GLI3: variants seen among roughly 807,000 people sequenced by gnomAD.
GLI3 encodes GLI family zinc finger 3, also known as transcription activator GLI3.
A neutral mutation model predicts 100.8 loss-of-function variants in GLI3; 20 were observed. The ratio of observed to expected loss-of-function variants is 0.20; its 90% CI spans 0.14 to 0.29. The LOEUF (loss-of-function observed/expected upper bound fraction) is 0.29, where lower values mean the gene tolerates loss of function less well. GLI3 is among the 10% of genes least tolerant of loss of function. GLI3 has a pLI of 1.00. For synonymous variants in GLI3, 938 were observed against 860.5 expected (o/e 1.09, Z -1.58); for missense variants, 2,040 against 2,128.5 (o/e 0.96, Z 0.82).
chr7:42,247,937 T>C (rs1480810431), intron 1 of GLI3, among the ~76,000 whole-genome samples: 1 of 152,228 alleles, frequency 6.6e-6, no homozygotes, highest in Non-Finnish European at 1.5e-5. Flanking sequence ...GCTTTTGAGC[T>C]TTCCTATCTG....
intron 2 of GLI3, among the ~76,000 whole-genome samples, chr7:42,208,235 G>T (rs1432596611): frequency 6.6e-6 from 1 of 152,166 alleles, no homozygotes; most frequent in African/African-American, 2.4e-5. Flanking sequence ...GCATGGATGG[G>T]TCTAAGGTCT....
At chr7:42,045,596 C>A (rs1489456281) in intron 5 of GLI3, 66 bp from the exon 6 acceptor site, 2 of 1,447,056 alleles carry the variant, frequency 1.4e-6, no homozygotes, top group Admixed American at 1.7e-5. Flanking sequence ...TCTCTTGAGG[C>A]ATCTCAGAGT....
intron 2 of GLI3, among the ~76,000 whole-genome samples, chr7:42,174,916 C>T (rs920727474): frequency 6.6e-6 from 1 of 152,150 alleles, no homozygotes; most frequent in African/African-American, 2.4e-5. Flanking sequence ...AGTGAGGATG[C>T]GCAGGGGAAG....
chr7:42,243,276 G>A (rs35671443), intron 1 of GLI3, among the ~76,000 whole-genome samples: 1,930 of 152,232 alleles, frequency 0.013, 23 homozygotes, highest in Middle Eastern at 0.041. Flanking sequence ...TGTTACTCTA[G>A]CATCCCTTTC....
intron 6 of GLI3, among the ~76,000 whole-genome samples, chr7:42,043,401 T>C (rs1002188166): frequency 2.0e-5 from 3 of 152,172 alleles, no homozygotes; most frequent in African/African-American, 7.2e-5. Context: ...GGATACTCTG[T>C]TGAAGGGAGC....
At chr7:42,231,256 T>G (rs1436827110) in intron 1 of GLI3, among the ~76,000 whole-genome samples, 1 of 152,202 alleles carries the variant, frequency 6.6e-6, no homozygotes, top group Admixed American at 6.5e-5. Context: ...GTATTTAACA[T>G]TTTTTTGTGA....
intron 3 of GLI3, among the ~76,000 whole-genome samples, chr7:42,108,957 G>A (rs566704032): frequency 8.4e-4 from 128 of 152,090 alleles, no homozygotes; most frequent in African/African-American, 3.0e-3. Flanking sequence ...CTGAGAACTG[G>A]AAGTCTGACG....
chr7:42,101,870 G>A (rs200185955), intron 3 of GLI3, among the ~76,000 whole-genome samples: 3 of 119,604 alleles, frequency 2.5e-5, no homozygotes, highest in African/African-American at 8.3e-5. Context: ...AGAGTGTGAT[G>A]TTCCCCTTCC....
intron 7 of GLI3, among the ~76,000 whole-genome samples, chr7:42,028,852 C>T (rs1309996765): frequency 2.0e-5 from 3 of 151,692 alleles, no homozygotes; most frequent in African/African-American, 7.3e-5. Flanking sequence ...AAAGATAAGA[C>T]TCAGCATTCC....
rs111867388 is a variant in GLI3, at chr7:42,228,608, G to C, written c.-42-5313C>G. ...GTTCAGAGGGCTCTTTTAACTGGCT[G>C]AATTCAGGGAGCTGCAACCTTCCAG... On this transcript the variant is annotated intron_variant, in intron 1 of 14. Transcript: ENST00000395925. Among the ~76,000 whole-genome samples, 322 of 152,358 alleles carry C rather than the reference G, an allele frequency of 2.1e-3. 4 individuals are homozygous for C. Among genetic ancestry groups the C allele is most frequent in the African/African-American group, 7.4e-3 (308 of 41,588 alleles).
rs1787020659 is a variant in GLI3 at position 41,961,802 on chromosome 7, C to T, written c.*2528G>A. 6.6e-6 allele frequency: 1 copy of T among 152,134 alleles called. No individual in the cohort carries two copies. The highest frequency in any genetic ancestry group is 1.5e-5 in the Non-Finnish European group (1 of 68,052). The allele number at this position is 152,134 out of a possible 1,614,324, so 9.4% of individuals were successfully genotyped here. ...TTCTAAGTGACCTCAAAAGACCTTC[C>T]TTCCACTGGACTGCCACAACAGATC... On this transcript the variant is annotated 3_prime_UTR_variant, in exon 15 of 15. Coordinates refer to ENST00000395925, the MANE Select transcript of GLI3 (RefSeq NM_000168.6).
intron 10 of GLI3, among the ~76,000 whole-genome samples, chr7:42,000,591 G>A (rs1788258645): frequency 6.7e-6 from 1 of 150,022 alleles, no homozygotes; most frequent in Non-Finnish European, 1.5e-5. Context: ...AAAACAATCA[G>A]AAAAAAATTA....
At chr7:42,194,980 T>C (rs1787899278) in intron 2 of GLI3, among the ~76,000 whole-genome samples, 1 of 151,948 alleles carries the variant, frequency 6.6e-6, no homozygotes, top group Admixed American at 6.6e-5. Context: ...TTGGTCAGGG[T>C]GTTCTCAAAC....
chr7:42,012,123 G>T (rs750449844), intron 10 of GLI3, among the ~76,000 whole-genome samples: 1 of 152,108 alleles, frequency 6.6e-6, no homozygotes, highest in East Asian at 1.9e-4. Context: ...AAAAAGAAAC[G>T]ACTTGATGCA....
At chr7:42,152,175 C>T (rs1178987435) in intron 2 of GLI3, 1 of 152,816 alleles carries the variant, frequency 6.5e-6, no homozygotes, top group African/African-American at 2.4e-5. Context: ...GCATCACTAA[C>T]TAAGGACACC....
intron 2 of GLI3, among the ~76,000 whole-genome samples, chr7:42,157,249 G>A (rs571871452): frequency 6.6e-6 from 1 of 152,332 alleles, no homozygotes; most frequent in African/African-American, 2.4e-5. Flanking sequence ...ATGTGCATTT[G>A]AGAAACCCAA....
At chr7:42,029,702 C>G (rs1175768289) in intron 7 of GLI3, among the ~76,000 whole-genome samples, 4 of 152,114 alleles carry the variant, frequency 2.6e-5, no homozygotes, top group African/African-American at 9.7e-5. Flanking sequence ...CTCACAATGG[C>G]CACTTCCTTT....
chr7:41,996,544 G>A (rs1788130488), intron 10 of GLI3, among the ~76,000 whole-genome samples: 1 of 152,108 alleles, frequency 6.6e-6, no homozygotes, highest in Admixed American at 6.5e-5. Context: ...CCCAGAGAGA[G>A]GAAAACCTAC....
chr7:42,042,013 C>CT (rs11324186), intron 6 of GLI3, among the ~76,000 whole-genome samples: 9,855 of 116,318 alleles, frequency 0.085, 474 homozygotes, highest in Non-Finnish European at 0.11. Flanking sequence ...CAACGATTTC[C>CT]TTTTTTTTTT....
Sources: allele counts gnomAD v4.1 joint callset (sites outside exome capture counted in the v4.1 genomes callset), GRCh38; gene constraint gnomAD v4.1.1; transcripts MANE v1.5; gene names NCBI Gene and HGNC (gene_info 2026-07-23, HGNC 2026-07-21).